NRG3: variants seen among roughly 807,000 people sequenced by gnomAD.
The protein encoded by NRG3 is pro-neuregulin-3, membrane-bound isoform.
Under a neutral mutation model 66.9 loss-of-function variants are expected in NRG3, and 31 were observed. The ratio of observed to expected loss-of-function variants is 0.46; its 90% confidence interval spans 0.35 to 0.63. The LOEUF (loss-of-function observed/expected upper bound fraction) is 0.63. Among genes scored for constraint, NRG3 ranks in the 20% least tolerant of loss-of-function variants. The pLI, the probability that NRG3 is intolerant of heterozygous loss-of-function variation, is 0.00. For missense variants in NRG3, 910 were observed against 878.9 expected (o/e 1.04, Z -0.45); for synonymous variants, 393 against 359.4 (o/e 1.09, Z -1.06).
intron 4 of NRG3, among the ~76,000 whole-genome samples, chr10:82,934,784 C>T (rs533048832): frequency 4.1e-4 from 62 of 152,274 alleles, no homozygotes; most frequent in Admixed American, 1.8e-3. Context: ...GCTTAAAAGG[C>T]GCACAATTTT....
intron 1 of NRG3, among the ~76,000 whole-genome samples, chr10:81,962,592 T>C (rs73306569): frequency 0.1 from 15,236 of 152,262 alleles, 1,205 homozygotes; most frequent in African/African-American, 0.22. Flanking sequence ...GTTCCAGTTA[T>C]TGACTGCTGC....
intron 1 of NRG3, among the ~76,000 whole-genome samples, chr10:81,892,933 T>C (rs953797883): frequency 5.3e-5 from 8 of 152,206 alleles, no homozygotes; most frequent in Non-Finnish European, 1.2e-4. Context: ...ATGTAATCCA[T>C]AAATATATGC....
chr10:82,589,081 A>C (rs2046839926), intron 2 of NRG3, among the ~76,000 whole-genome samples: 1 of 152,064 alleles, frequency 6.6e-6, no homozygotes, highest in Non-Finnish European at 1.5e-5. Flanking sequence ...GCGTTACCCC[A>C]GTGCTTTCTT....
chr10:82,841,947 C>A lies in NRG3; in HGVS notation c.1028-23464C>A, dbSNP rs570701375. On this transcript the variant is annotated intron_variant, in intron 3 of 8. Transcript: ENST00000372141. ...AGGAATTCTGGCCTCCATATAGCCA[C>A]AGAAAAAATTGGGAATGAATTTAGA... 2.6e-5 allele frequency among the ~76,000 whole-genome samples: 4 copies of A among 152,236 alleles called. No homozygotes were observed. In the South Asian group the frequency reaches 8.3e-4, roughly 32 times the overall value.
intron 3 of NRG3, among the ~76,000 whole-genome samples, chr10:82,864,776 A>C (rs1840540957): frequency 6.6e-6 from 1 of 152,140 alleles, no homozygotes; most frequent in Non-Finnish European, 1.5e-5. Context: ...TGTCAATTCG[A>C]ATAGTCATGG....
intron 4 of NRG3, among the ~76,000 whole-genome samples, chr10:82,897,492 G>A (rs760392769): frequency 9.2e-5 from 14 of 151,968 alleles, no homozygotes; most frequent in Non-Finnish European, 1.9e-4. Context: ...TGAATGCATA[G>A]TGCTTTTAAA....
At chr10:82,440,959 T>G (rs942539123) in intron 2 of NRG3, among the ~76,000 whole-genome samples, 6 of 152,208 alleles carry the variant, frequency 3.9e-5, no homozygotes, top group African/African-American at 1.4e-4. Context: ...ATTTAGAAAA[T>G]GTGCACATAT....
rs151182967 is a variant in NRG3 at position 82,355,814 on chromosome 10, C to A, written c.824-2925C>A. On this transcript the variant is annotated intron_variant, in intron 1 of 8. Coordinates refer to ENST00000372141, the MANE Select transcript of NRG3 (RefSeq NM_001010848.4). ...TATGTAGATAATATATAGTAAAATG[C>A]ATAGGTATATTCTAAGGTTTCAAAT... Among the ~76,000 whole-genome samples the A allele has an allele frequency of 2.6e-5, 4 of 152,176 alleles. No homozygotes were observed. In the East Asian group the frequency reaches 7.7e-4, roughly 29 times the overall value.
intron 2 of NRG3, among the ~76,000 whole-genome samples, chr10:82,512,712 AT>A (rs1286946913): frequency 6.6e-6 from 1 of 152,040 alleles, no homozygotes; most frequent in African/African-American, 2.4e-5. Context: ...TTTTCGGTAG[AT>A]TTTTTTCCTT....
chr10:82,554,915 C>T (rs75838604), intron 2 of NRG3, among the ~76,000 whole-genome samples: 2,659 of 152,258 alleles, frequency 0.017, 30 homozygotes, highest in Middle Eastern at 0.068. Flanking sequence ...TCTTCCTTTA[C>T]ACACACCGTC....
At chr10:82,214,111 T>G (rs909794417) in intron 1 of NRG3, among the ~76,000 whole-genome samples, 1 of 152,148 alleles carries the variant, frequency 6.6e-6, no homozygotes, top group Non-Finnish European at 1.5e-5. Context: ...AGGCCAAATA[T>G]TCACTGAGAC....
At chr10:82,076,827 C>A (rs1375245078) in intron 1 of NRG3, among the ~76,000 whole-genome samples, 1 of 152,314 alleles carries the variant, frequency 6.6e-6, no homozygotes, top group South Asian at 2.1e-4. Context: ...GTCAAGCAAA[C>A]CTCTTTTCTT....
At chr10:82,316,046 A>G (rs1468193656) in intron 1 of NRG3, among the ~76,000 whole-genome samples, 2 of 152,138 alleles carry the variant, frequency 1.3e-5, no homozygotes, top group Non-Finnish European at 2.9e-5. Context: ...AGTTCTGACC[A>G]CAAGCAATGG....
intron 1 of NRG3, among the ~76,000 whole-genome samples, chr10:82,357,726 T>C (rs1368587168): frequency 2.0e-5 from 3 of 152,168 alleles, no homozygotes; most frequent in Admixed American, 2.0e-4. Context: ...CATCTTCAAA[T>C]ATCATCAACA....
At chr10:82,812,593 C>G (rs1448159129) in intron 3 of NRG3, among the ~76,000 whole-genome samples, 1 of 152,110 alleles carries the variant, frequency 6.6e-6, no homozygotes, top group Non-Finnish European at 1.5e-5. Context: ...GTAGAATCAA[C>G]ACTGCTAAAA....
At chr10:82,773,399 G>A (rs190719126) in intron 3 of NRG3, among the ~76,000 whole-genome samples, 12 of 152,216 alleles carry the variant, frequency 7.9e-5, no homozygotes, top group East Asian at 3.9e-4. Flanking sequence ...AGAAATGTCT[G>A]TTTAGGTCCT....
intron 1 of NRG3, among the ~76,000 whole-genome samples, chr10:81,888,437 C>G (rs902935053): frequency 1.3e-5 from 2 of 152,138 alleles, no homozygotes; most frequent in East Asian, 3.9e-4. Context: ...GATAATTCAT[C>G]ATCTGCATCT....
chr10:82,713,880 G>A lies in NRG3; in HGVS notation c.954-24697G>A, dbSNP rs2056821138. Among the ~76,000 whole-genome samples the A allele has an allele frequency of 2.0e-5, 3 of 152,066 alleles. 1 individual carries two copies. Among genetic ancestry groups the A allele is most frequent in the South Asian group, 4.2e-4 (2 of 4,810 alleles). On this transcript the variant is annotated intron_variant, in intron 2 of 8. Coordinates refer to ENST00000372141, the MANE Select transcript of NRG3 (RefSeq NM_001010848.4). ...ATTATTCTACCTCTTGATTCTTGCT[G>A]CCACAAAACAGTAGTCATTTCAACT...
At chr10:82,461,805 T>A (rs1564948932) in intron 2 of NRG3, among the ~76,000 whole-genome samples, 1 of 152,208 alleles carries the variant, frequency 6.6e-6, no homozygotes, top group Non-Finnish European at 1.5e-5. Flanking sequence ...TGTAAGAGAC[T>A]GCTGCAGTAA....
Sources: gnomAD v4.1 joint callset for allele counts (sites outside exome capture counted in the v4.1 genomes callset) on GRCh38, gnomAD v4.1.1 for gene constraint, MANE v1.5 for transcripts, NCBI Gene and HGNC (gene_info 2026-07-23, HGNC 2026-07-21) for gene names.